The following PXDN variants were observed in gnomAD, a reference collection of about 807,000 sequenced individuals.
The protein encoded by PXDN is peroxidasin.
Under a neutral mutation model 140.3 loss-of-function variants are expected in PXDN, and 77 were observed. That is an observed-to-expected ratio of 0.55 (90% confidence interval 0.46 to 0.66). The LOEUF is 0.66. Ranked by LOEUF, PXDN falls within the 30% of genes least tolerant of loss-of-function variation. PXDN has a pLI of 0.00. For synonymous variants in PXDN, 911 were observed against 857.4 expected (o/e 1.06, Z -1.09); for missense variants, 1,838 against 2,039.5 (o/e 0.90, Z 1.90).
At chr2:1,718,895 C>CTT (rs1315567612) in intron 1 of PXDN, among the ~76,000 whole-genome samples, 2 of 152,264 alleles carry the variant, frequency 1.3e-5, no homozygotes, top group Non-Finnish European at 2.9e-5. Context: ...CCACCAGCAA[C>CTT]TTGCCACAAC....
intron 14 of PXDN, among the ~76,000 whole-genome samples, chr2:1,657,876 C>CTCTCT: frequency 6.7e-6 from 1 of 148,352 alleles, no homozygotes; most frequent in African/African-American, 2.6e-5. Context: ...CGTGCCCCCT[C>CTCTCT]CTGACCGAAA....
chr2:1,706,333 G>A (rs545123110), intron 1 of PXDN, among the ~76,000 whole-genome samples: 3 of 152,216 alleles, frequency 2.0e-5, no homozygotes, highest in Non-Finnish European at 2.9e-5. Flanking sequence ...AGCAAGTGCA[G>A]TAACAACTGT....
At chr2:1,677,386 C>T (rs537428556) in intron 7 of PXDN, among the ~76,000 whole-genome samples, 33 of 152,302 alleles carry the variant, frequency 2.2e-4, no homozygotes, top group Admixed American at 4.6e-4. Context: ...CGCCACGGGT[C>T]GCTATTTTCA....
chr2:1,635,841 C>T (rs543920181), intron 21 of PXDN: 12 of 376,948 alleles, frequency 3.2e-5, no homozygotes, highest in African/African-American at 1.7e-4. Context: ...TCCACCAGAA[C>T]GAACGATGAT....
intron 1 of PXDN, among the ~76,000 whole-genome samples, chr2:1,721,357 A>C: frequency 6.6e-6 from 1 of 152,218 alleles, no homozygotes. Flanking sequence ...GTTCCTGTTC[A>C]GAAAGACCCA....
chr2:1,663,490 G>T, intron 12 of PXDN, 115 bp downstream of exon 12: 1 of 1,408,142 alleles, frequency 7.1e-7, no homozygotes, highest in Non-Finnish European at 9.7e-7. Context: ...AAAATGCAGA[G>T]AGAACAGCCA....
At chr2:1,702,782 C>T (rs1684466489) in intron 1 of PXDN, among the ~76,000 whole-genome samples, 1 of 152,198 alleles carries the variant, frequency 6.6e-6, no homozygotes, top group African/African-American at 2.4e-5. Flanking sequence ...GCACCCGCCA[C>T]TACGCCCAGC....
At chr2:1,673,941 GTC>G in intron 8 of PXDN, 129 bp from the exon 9 acceptor site, 1 of 970,970 alleles carries the variant, frequency 1.0e-6, no homozygotes. Flanking sequence ...ACCTTCCAGG[GTC>G]TCCTCCTTCC....
chr2:1,743,412 G>A (rs1558536175), intron 1 of PXDN, among the ~76,000 whole-genome samples: 1 of 152,066 alleles, frequency 6.6e-6, no homozygotes, highest in Non-Finnish European at 1.5e-5. Context: ...CGGGAACCCC[G>A]GCCGCCCGGC....
chr2:1,661,491 G>A (rs1683302586), intron 13 of PXDN, among the ~76,000 whole-genome samples: 1 of 152,224 alleles, frequency 6.6e-6, no homozygotes, highest in Admixed American at 6.5e-5. Context: ...CCTGGGGTGT[G>A]TGTGGCGAGG....
chr2:1,655,173 C>T (rs1683100921), intron 14 of PXDN, among the ~76,000 whole-genome samples: 1 of 151,640 alleles, frequency 6.6e-6, no homozygotes, highest in Non-Finnish European at 1.5e-5. Flanking sequence ...GCACCACACA[C>T]ACAGCACATT....
intron 10 of PXDN, 101 bp downstream of exon 10, chr2:1,666,113 C>T (rs1683428505): frequency 6.8e-7 from 1 of 1,463,976 alleles, no homozygotes; most frequent in Non-Finnish European, 9.3e-7. Flanking sequence ...GTGGACAGGG[C>T]AGAAGATTCT....
chr2:1,634,277 C>G lies in PXDN; in HGVS notation c.4367G>C (p.Cys1456Ser). Residue 1456 changes from cysteine to serine, a missense_variant, in exon 23 of 23, where the codon TGT becomes TCT. Transcript: ENST00000252804. ...CCCTGGGATGTTCACGGGGACAGCA[C>G]AGGTGGCAGGGGGGCAAGCTTCCAC... is the stretch of plus-strand genomic sequence containing the variant. Reference protein sequence around the residue: ...CFVEACPPATCAVPVNIPGAC... With the variant: ...CFVEACPPATSAVPVNIPGAC... 6.2e-7 allele frequency: 1 copy of G among 1,607,596 alleles called. No homozygotes were observed. Among genetic ancestry groups the G allele is most frequent in the East Asian group, 2.2e-5 (1 of 44,672 alleles).
At chr2:1,701,492 G>T (rs1684428171) in intron 1 of PXDN, among the ~76,000 whole-genome samples, 1 of 152,210 alleles carries the variant, frequency 6.6e-6, no homozygotes, top group Non-Finnish European at 1.5e-5. Flanking sequence ...GAGGGCAAGG[G>T]TGTATTTTGG....
intron 14 of PXDN, among the ~76,000 whole-genome samples, chr2:1,655,373 C>G (rs1284289495): frequency 6.6e-6 from 1 of 150,764 alleles, no homozygotes; most frequent in Non-Finnish European, 1.5e-5. Context: ...TATACACACA[C>G]AAATCACATT....
At chr2:1,665,446 A>G (rs1386833445) in intron 10 of PXDN, among the ~76,000 whole-genome samples, 2 of 152,382 alleles carry the variant, frequency 1.3e-5, no homozygotes, top group African/African-American at 4.8e-5. Flanking sequence ...GCCATCTGGT[A>G]TAGCTGTGTA....
chr2:1,696,327 C>A (rs906858913), intron 1 of PXDN, among the ~76,000 whole-genome samples: 1 of 152,152 alleles, frequency 6.6e-6, no homozygotes, highest in African/African-American at 2.4e-5. Flanking sequence ...AAGCTGCTCA[C>A]AGCAGTTAGA....
chr2:1,664,175 A>T (rs937082757), intron 11 of PXDN: 18 of 167,900 alleles, frequency 1.1e-4, no homozygotes, highest in Non-Finnish European at 2.3e-4. Context: ...TAACTGCCTG[A>T]GAAAAGGGAA....
chr2:1,672,405 T>C (rs1683598453), intron 9 of PXDN, among the ~76,000 whole-genome samples: 1 of 152,264 alleles, frequency 6.6e-6, no homozygotes, highest in South Asian at 2.1e-4. Flanking sequence ...CTATAACATA[T>C]ACTTAACAGT....
Sources: allele counts gnomAD v4.1 joint callset (sites outside exome capture counted in the v4.1 genomes callset), GRCh38; gene constraint gnomAD v4.1.1; transcripts MANE v1.5; gene names NCBI Gene and HGNC (gene_info 2026-07-23, HGNC 2026-07-21).